The following OR52E5 variants were observed in gnomAD, a reference collection of about 807,000 sequenced individuals.
OR52E5 encodes olfactory receptor family 52 subfamily E member 5.
At chr11:5,894,579 CAT>C (rs1847148103) in intron 1 of OR52E5, among the ~76,000 whole-genome samples, 1 of 152,006 alleles carries the variant, frequency 6.6e-6, no homozygotes, top group African/African-American at 2.4e-5. Context: ...TGAAGAAAGA[CAT>C]AGAGAAGAAA....
intron 2 of OR52E5, among the ~76,000 whole-genome samples, chr11:5,900,375 TACACACAC>T (rs61415771): frequency 0.022 from 3,277 of 150,374 alleles, 127 homozygotes; most frequent in African/African-American, 0.074. Context: ...AGTGACATTT[TACACACAC>T]ACACACACAC....
At chr11:5,894,667 G>A (rs1475068918) in intron 1 of OR52E5, among the ~76,000 whole-genome samples, 2 of 152,140 alleles carry the variant, frequency 1.3e-5, no homozygotes, top group African/African-American at 2.4e-5. Flanking sequence ...TAAAATTAAT[G>A]TTTAAGATTC....
chr11:5,896,209 G>A (rs552998173), intron 2 of OR52E5, among the ~76,000 whole-genome samples: 12 of 120,596 alleles, frequency 1.0e-4, no homozygotes, highest in Non-Finnish European at 2.0e-4. Context: ...AAGACATCAA[G>A]ACCATCCTGG....
Position 5,902,355 on chromosome 11 carries a change from CTT to C in OR52E5, c.*596_*597del, listed in dbSNP as rs1468980375. On this transcript the variant is annotated 3_prime_UTR_variant, in exon 3 of 3. Transcript: ENST00000610445. Reference sequence around the variant, plus strand: ...AAAAGATTTGGAAACAAAATGAGTGCTTACTAAACATAATTATAGTGTAATTG... The same window carrying C: ...AAAAGATTTGGAAACAAAATGAGTGCACTAAACATAATTATAGTGTAATTG... 2.6e-5 allele frequency: 4 copies of C among 152,486 alleles called. No homozygotes were observed. The highest frequency in any genetic ancestry group is 9.6e-5 in the African/African-American group (4 of 41,566). 9.4% of individuals were successfully genotyped at this position (152,486 alleles called of 1,614,324 possible). A position where few individuals can be genotyped will look rare whatever the true frequency, so the allele number is the denominator to read the frequency against.
intron 2 of OR52E5, among the ~76,000 whole-genome samples, chr11:5,896,976 A>C (rs1482913572): frequency 6.6e-6 from 1 of 152,170 alleles, no homozygotes; most frequent in Non-Finnish European, 1.5e-5. Flanking sequence ...ACATAAACTT[A>C]GTTATTATTC....
At chr11:5,899,058 T>C (rs570198626) in intron 2 of OR52E5, among the ~76,000 whole-genome samples, 18 of 152,348 alleles carry the variant, frequency 1.2e-4, no homozygotes, top group African/African-American at 4.1e-4. Context: ...TTCCAGATTA[T>C]GAGTGTGAAA....
At chr11:5,895,294 T>C (rs1028543984) in intron 1 of OR52E5, among the ~76,000 whole-genome samples, 6 of 152,214 alleles carry the variant, frequency 3.9e-5, no homozygotes, top group Non-Finnish European at 7.3e-5. Context: ...ATAATAGCTG[T>C]TGGATTTGAA....
At chr11:5,899,844 A>G (rs1220942815) in intron 2 of OR52E5, among the ~76,000 whole-genome samples, 1 of 152,176 alleles carries the variant, frequency 6.6e-6, no homozygotes, top group Non-Finnish European at 1.5e-5. Flanking sequence ...GTGACGGTAA[A>G]CTAGCCTGCT....
chr11:5,897,748 T>G (rs1847195019), intron 2 of OR52E5, among the ~76,000 whole-genome samples: 1 of 152,210 alleles, frequency 6.6e-6, no homozygotes, highest in Admixed American at 6.5e-5. Context: ...ACTGTGTAAG[T>G]GTTCCTTTTT....
rs1847237973 is a variant in OR52E5 at position 5,900,753 on chromosome 11, T to C, written c.-24T>C. 1 of 400,012 alleles carries C rather than the reference T, an allele frequency of 2.5e-6. No individual in the cohort carries two copies. Among genetic ancestry groups the C allele is most frequent in the Middle Eastern group, 4.4e-4 (1 of 2,270 alleles). The allele number at this position is 400,012 out of a possible 1,614,324, so 24.8% of individuals were successfully genotyped here. A position where few individuals can be genotyped will look rare whatever the true frequency, so the allele number is the denominator to read the frequency against. ...AGCAAGAAAACTCATGCAAGAAATGTGTCTGTAGGGAATGGCCACCAATAT... is the reference window on the plus strand; with the variant it reads ...AGCAAGAAAACTCATGCAAGAAATGCGTCTGTAGGGAATGGCCACCAATAT... On this transcript the variant is annotated 5_prime_UTR_variant, in exon 3 of 3. Coordinates refer to ENST00000610445, the MANE Select transcript of OR52E5 (RefSeq NM_001005166.5).
chr11:5,898,953 T>A (rs375857082), intron 2 of OR52E5, among the ~76,000 whole-genome samples: 3 of 152,222 alleles, frequency 2.0e-5, no homozygotes, highest in Non-Finnish European at 2.9e-5. Flanking sequence ...AATTTTAGAA[T>A]AGTTTTTTCT....
At chr11:5,899,561 A>C (rs569221935) in intron 2 of OR52E5, among the ~76,000 whole-genome samples, 3 of 152,300 alleles carry the variant, frequency 2.0e-5, no homozygotes, top group African/African-American at 7.2e-5. Flanking sequence ...AAATCATTGC[A>C]CTCAAATGAG....
chr11:5,898,792 G>C (rs886635419), intron 2 of OR52E5, among the ~76,000 whole-genome samples: 2 of 152,150 alleles, frequency 1.3e-5, no homozygotes, highest in Non-Finnish European at 2.9e-5. Context: ...CTGTTCCACT[G>C]ATTTTTGTGT....
chr11:5,896,905 A>G (rs1847183071), intron 2 of OR52E5, among the ~76,000 whole-genome samples: 1 of 152,240 alleles, frequency 6.6e-6, no homozygotes, highest in Non-Finnish European at 1.5e-5. Context: ...ATAAAATCAC[A>G]TTTCAAAAGC....
chr11:5,899,494 G>C (rs1287847666), intron 2 of OR52E5, among the ~76,000 whole-genome samples: 1 of 152,118 alleles, frequency 6.6e-6, no homozygotes, highest in African/African-American at 2.4e-5. Flanking sequence ...CTTTGGGCCT[G>C]CATTATAGCC....
intron 2 of OR52E5, among the ~76,000 whole-genome samples, chr11:5,896,553 T>G (rs780352589): frequency 9.2e-5 from 14 of 152,034 alleles, no homozygotes; most frequent in Admixed American, 4.6e-4. Context: ...AAATAAGGAT[T>G]TAAAGGCAGC....
intron 1 of OR52E5, among the ~76,000 whole-genome samples, chr11:5,894,044 C>A (rs1847140498): frequency 6.6e-6 from 1 of 152,044 alleles, no homozygotes; most frequent in South Asian, 2.1e-4. Context: ...TTTAGGAATT[C>A]AATCTAAAAT....
rs1017971417 is a variant in OR52E5, at chr11:5,895,166, C to T, written c.-227-466C>T. The stretch of plus-strand genomic sequence containing the variant: ...GCCATGGTGAATTAAATGGCTGTGA[C>T]AATGTCAGGAAATTCAAAGTCCTAC... On this transcript the variant is annotated intron_variant, in intron 1 of 2. Coordinates refer to ENST00000610445, the MANE Select transcript of OR52E5 (RefSeq NM_001005166.5). 2.6e-4 allele frequency among the ~76,000 whole-genome samples: 40 copies of T among 152,060 alleles called. 1 individual carries two copies. The highest frequency in any genetic ancestry group is 9.4e-4 in the African/African-American group (39 of 41,388).
At chr11:5,900,488 T>C (rs1847234447) in intron 2 of OR52E5, 144 bp from the exon 3 acceptor site, 1 of 273,968 alleles carries the variant, frequency 3.7e-6, no homozygotes, top group Non-Finnish European at 6.8e-6. Context: ...TGGAAGTTTT[T>C]TCTTAGAGAC....
Sources: allele counts gnomAD v4.1 joint callset (sites outside exome capture counted in the v4.1 genomes callset), GRCh38; gene constraint gnomAD v4.1.1; transcripts MANE v1.5; gene names NCBI Gene and HGNC (gene_info 2026-07-23, HGNC 2026-07-21).